AGMO: variants seen among roughly 807,000 people sequenced by gnomAD.
AGMO encodes the protein alkylglycerol monooxygenase, also known as glyceryl-ether monooxygenase.
AGMO carries 75 observed loss-of-function variants against 60.2 expected under a neutral mutation model. The ratio of observed to expected loss-of-function variants is 1.25; its 90% confidence interval spans 1.03 to 1.51. The LOEUF is 1.51. Ranked by LOEUF, AGMO falls within the 40% of genes most tolerant of loss-of-function variation. The pLI, the probability that AGMO is intolerant of heterozygous loss-of-function variation, is 0.00. For synonymous variants in AGMO, 261 were observed against 177.1 expected, an observed-to-expected ratio of 1.47 and a Z score of -3.76; for missense variants, 763 against 525.5, an observed-to-expected ratio of 1.45 and a Z score of -4.42.
chr7:15,370,198 T>A (rs930108593), intron 10 of AGMO, among the ~76,000 whole-genome samples: 3 of 152,200 alleles, frequency 2.0e-5, no homozygotes, highest in Admixed American at 1.3e-4. Flanking sequence ...AGTAATGGCC[T>A]CCAGCTGCAT....
At chr7:15,340,290 T>C (rs1781800660) in intron 12 of AGMO, among the ~76,000 whole-genome samples, 1 of 152,230 alleles carries the variant, frequency 6.6e-6, no homozygotes, top group Non-Finnish European at 1.5e-5. Flanking sequence ...TGGAATTTTC[T>C]AGTTGTGGTA....
At chr7:15,531,657 T>C (rs1311457989) in intron 3 of AGMO, among the ~76,000 whole-genome samples, 3 of 127,214 alleles carry the variant, frequency 2.4e-5, no homozygotes, top group Non-Finnish European at 4.8e-5. Flanking sequence ...AATATAAATA[T>C]ATATATTTTT....
the AGMO span, among the ~76,000 whole-genome samples, chr7:15,171,157 A>C: frequency 6.6e-6 from 1 of 151,734 alleles, no homozygotes; most frequent in South Asian, 2.1e-4. Context: ...AATTTTTTGT[A>C]TTTTTAGTAG....
At chr7:15,548,250 G>A (rs1272344834) in intron 2 of AGMO, among the ~76,000 whole-genome samples, 3 of 152,076 alleles carry the variant, frequency 2.0e-5, no homozygotes, top group Non-Finnish European at 4.4e-5. Flanking sequence ...ACTCTAAAAC[G>A]CAGAGCACCT....
At chr7:15,230,694 AAG>A (rs1409664345) in intron 12 of AGMO, among the ~76,000 whole-genome samples, 9 of 152,170 alleles carry the variant, frequency 5.9e-5, no homozygotes, top group Admixed American at 5.2e-4. Flanking sequence ...TTATAAGGGA[AAG>A]AGAGAGAAAT....
intron 12 of AGMO, among the ~76,000 whole-genome samples, chr7:15,219,237 T>C (rs1360970635): frequency 6.6e-6 from 1 of 152,196 alleles, no homozygotes; most frequent in Non-Finnish European, 1.5e-5. Flanking sequence ...AATACAGATC[T>C]TTGCACAATT....
At chr7:15,391,062 T>G (rs1197330549) in intron 6 of AGMO, among the ~76,000 whole-genome samples, 157 bp from the exon 7 acceptor site, 1 of 152,102 alleles carries the variant, frequency 6.6e-6, no homozygotes, top group Non-Finnish European at 1.5e-5. Context: ...CAGATTTTAT[T>G]GTCTAATAAT....
chr7:15,368,056 T>C (rs546507120), intron 10 of AGMO, among the ~76,000 whole-genome samples: 1 of 151,124 alleles, frequency 6.6e-6, no homozygotes, highest in East Asian at 2.0e-4. Flanking sequence ...TGTCAAGAGA[T>C]TTTAAACCCT....
Position 15,523,183 on chromosome 7 carries a change from C to T in AGMO, c.409+21589G>A, listed in dbSNP as rs186027707. On this transcript the variant is annotated intron_variant, in intron 3 of 12. Coordinates refer to ENST00000342526, the MANE Select transcript of AGMO (RefSeq NM_001004320.2). Reference sequence around the variant, plus strand: ...AGTTAGAATGGCAATCATTAAAAAACAGATGCTGGAGAGGATGTGGAGAAA... The same window carrying T: ...AGTTAGAATGGCAATCATTAAAAAATAGATGCTGGAGAGGATGTGGAGAAA... 8.3e-4 allele frequency among the ~76,000 whole-genome samples: 126 copies of T among 151,338 alleles called. 1 individual carries two copies. Among genetic ancestry groups the T allele is most frequent in the African/African-American group, 2.6e-3 (109 of 41,442 alleles).
At chr7:15,237,681 A>C (rs1194200272) in intron 12 of AGMO, among the ~76,000 whole-genome samples, 1 of 152,092 alleles carries the variant, frequency 6.6e-6, no homozygotes, top group African/African-American at 2.4e-5. Context: ...ATTGCCCTTT[A>C]AATGATAGCA....
intron 2 of AGMO, among the ~76,000 whole-genome samples, chr7:15,555,578 T>G (rs1785110799): frequency 6.6e-6 from 1 of 151,936 alleles, no homozygotes; most frequent in South Asian, 2.1e-4. Flanking sequence ...TGGTATCACA[T>G]TCATAAAACA....
At chr7:15,432,329 T>TAC (rs1781268068) in intron 3 of AGMO, among the ~76,000 whole-genome samples, 1 of 81,038 alleles carries the variant, frequency 1.2e-5, no homozygotes, top group Non-Finnish European at 2.6e-5. Context: ...TGTATATATG[T>TAC]ATATATATAT....
At chr7:15,484,760 G>A (rs1782867409) in intron 3 of AGMO, among the ~76,000 whole-genome samples, 1 of 152,040 alleles carries the variant, frequency 6.6e-6, no homozygotes, top group African/African-American at 2.4e-5. Flanking sequence ...AGATGGCAGG[G>A]GGTCAAAGCA....
the AGMO span, among the ~76,000 whole-genome samples, chr7:15,187,869 C>G: frequency 1.4e-5 from 2 of 145,634 alleles, no homozygotes; most frequent in Non-Finnish European, 3.0e-5. Context: ...CCATTAGGAT[C>G]TCTCGGGTAA....
At chr7:15,413,793 A>G (rs919999705) in intron 5 of AGMO, among the ~76,000 whole-genome samples, 16 of 152,258 alleles carry the variant, frequency 1.1e-4, no homozygotes, top group African/African-American at 3.8e-4. Flanking sequence ...ATTTGTTGCT[A>G]CAGGTCTGCA....
chr7:15,325,524 T>C (rs1364100438), intron 12 of AGMO, among the ~76,000 whole-genome samples: 4 of 152,106 alleles, frequency 2.6e-5, no homozygotes, highest in Non-Finnish European at 5.9e-5. Flanking sequence ...TGGTGAAGAA[T>C]AAAACATTAC....
At chr7:15,217,872 A>G (rs1308241160) in intron 12 of AGMO, among the ~76,000 whole-genome samples, 1 of 152,006 alleles carries the variant, frequency 6.6e-6, no homozygotes, top group African/African-American at 2.4e-5. Flanking sequence ...GTTCGCCATA[A>G]TTTATGAGAA....
At chr7:15,355,812 G>A (rs1395576611) in intron 12 of AGMO, among the ~76,000 whole-genome samples, 2 of 152,070 alleles carry the variant, frequency 1.3e-5, no homozygotes, top group Admixed American at 6.5e-5. Context: ...CAGGGGTGAT[G>A]AGACAAACTA....
chr7:15,530,428 A>G (rs1483081654), intron 3 of AGMO, among the ~76,000 whole-genome samples: 1 of 131,260 alleles, frequency 7.6e-6, no homozygotes, highest in Non-Finnish European at 1.6e-5. Context: ...CTAAATACGT[A>G]TTTCTATATA....
Sources: allele counts gnomAD v4.1 joint callset (sites outside exome capture counted in the v4.1 genomes callset), GRCh38; gene constraint gnomAD v4.1.1; transcripts MANE v1.5; gene names NCBI Gene and HGNC (gene_info 2026-07-23, HGNC 2026-07-21).